The following CNTNAP3B variants were observed in gnomAD, a reference collection of about 807,000 sequenced individuals.
The protein encoded by CNTNAP3B is contactin associated protein family member 3B.
A neutral mutation model predicts 108.9 loss-of-function variants in CNTNAP3B; 25 were observed. The observed-to-expected ratio is 0.23, with a 90% CI of 0.17 to 0.32. The LOEUF is 0.32. CNTNAP3B is among the 10% of genes least tolerant of loss of function. The pLI, the probability that CNTNAP3B is intolerant of heterozygous loss-of-function variation, is 1.00. For synonymous variants in CNTNAP3B, 103 were observed against 473.4 expected (o/e 0.22, Z 10.16); for missense variants, 252 against 1,210.4 (o/e 0.21, Z 11.75).
At chr9:41,938,040 T>G (rs1824210556) in intron 14 of CNTNAP3B, 1 of 975,094 alleles carries the variant, frequency 1.0e-6, no homozygotes, top group African/African-American at 1.7e-5. Context: ...TATATAGTAT[T>G]CACAATGAAT....
At chr9:42,127,190 A>T (rs1380139207) in intron 1 of CNTNAP3B, among the ~76,000 whole-genome samples, 2 of 138,328 alleles carry the variant, frequency 1.4e-5, no homozygotes, top group Non-Finnish European at 3.1e-5. Context: ...TAGTATTGAA[A>T]TTTTACGTGT....
chr9:42,031,491 AG>A (rs1459374540), intron 3 of CNTNAP3B, among the ~76,000 whole-genome samples: 1 of 86,018 alleles, frequency 1.2e-5, no homozygotes, highest in Non-Finnish European at 2.2e-5. Flanking sequence ...AATTTGAGAC[AG>A]AGGGTTTGAT....
intron 14 of CNTNAP3B, among the ~76,000 whole-genome samples, chr9:41,932,971 C>G: frequency 6.6e-6 from 1 of 152,430 alleles, no homozygotes; most frequent in African/African-American, 2.4e-5. Context: ...TACAGCAATA[C>G]AGTATGTCTT....
intron 14 of CNTNAP3B, among the ~76,000 whole-genome samples, chr9:41,932,927 C>T (rs772616189): frequency 5.2e-3 from 795 of 151,946 alleles, no homozygotes; most frequent in Non-Finnish European, 8.9e-3. Context: ...GTTTAATTGC[C>T]TATCTTCTGG....
intron 14 of CNTNAP3B, among the ~76,000 whole-genome samples, chr9:41,933,490 A>G: frequency 6.6e-6 from 1 of 152,372 alleles, no homozygotes; most frequent in Admixed American, 6.5e-5. Context: ...TTTTCCATAA[A>G]AGTACTGCAG....
rs2480611 is a variant in CNTNAP3B at position 41,970,743 on chromosome 9, C to G, written c.1478-498G>C. Among the ~76,000 whole-genome samples, 3 of 123,166 alleles carry G rather than the reference C, an allele frequency of 2.4e-5. 1 individual carries two copies. In the East Asian group the frequency reaches 7.7e-4, roughly 32 times the overall value. The allele number at this position is 123,166 out of a possible 152,430, so 80.8% of individuals were successfully genotyped here. On this transcript the variant is annotated intron_variant, in intron 9 of 23. Coordinates refer to ENST00000377561, the MANE Select transcript of CNTNAP3B (RefSeq NM_001201380.3). The stretch of plus-strand genomic sequence containing the variant: ...TATCTACCCTATAGCTGTTTTTGTG[C>G]GTTGCGATGTATGTATATTTGGGAG...
intron 14 of CNTNAP3B, among the ~76,000 whole-genome samples, chr9:41,933,375 A>G (rs930613600): frequency 3.0e-4 from 45 of 152,360 alleles, no homozygotes; most frequent in African/African-American, 9.6e-4. Context: ...ATCACCCCCG[A>G]TTGAGAACTA....
At chr9:41,934,090 A>G (rs1319525418) in intron 14 of CNTNAP3B, among the ~76,000 whole-genome samples, 2 of 42,304 alleles carry the variant, frequency 4.7e-5, no homozygotes, top group East Asian at 8.3e-4. Context: ...TTGCCTTTGC[A>G]TATTTGTTAC....
intron 14 of CNTNAP3B, among the ~76,000 whole-genome samples, chr9:41,937,117 A>ATTT: frequency 6.9e-6 from 1 of 145,746 alleles, no homozygotes; most frequent in Non-Finnish European, 1.5e-5. Flanking sequence ...TTATTAATTT[A>ATTT]TTATTATTAT....
rs1441090585 is a variant in CNTNAP3B, at chr9:42,083,036, G to A, written c.197-5974C>T. Among the ~76,000 whole-genome samples the A allele has an allele frequency of 2.9e-5, 4 of 139,150 alleles. 1 individual carries two copies. The East Asian group carries it at 8.7e-4, about 30-fold the overall frequency. 91.3% of individuals were successfully genotyped at this position (139,150 alleles called of 152,430 possible). ...GCTAATAATAGTTTTTAAAAAAGCT[G>A]GATTGGCTATATTAAACAAAGTAGA... On this transcript the variant is annotated intron_variant, in intron 2 of 23. Transcript: ENST00000377561.
intron 13 of CNTNAP3B, among the ~76,000 whole-genome samples, chr9:41,941,253 T>G (rs1025642165): frequency 6.7e-5 from 10 of 149,780 alleles, no homozygotes; most frequent in Admixed American, 2.7e-4. Context: ...ATAACAAAAG[T>G]TAGATGCTGG....
chr9:41,973,682 C>T (rs1587165756), intron 9 of CNTNAP3B, among the ~76,000 whole-genome samples: 1 of 138,390 alleles, frequency 7.2e-6, no homozygotes, highest in East Asian at 2.2e-4. Context: ...CTATTTCAGG[C>T]ATGAATGCAA....
At chr9:42,110,582 C>T (rs1167779051) in intron 1 of CNTNAP3B, among the ~76,000 whole-genome samples, 1 of 136,592 alleles carries the variant, frequency 7.3e-6, no homozygotes, top group Non-Finnish European at 1.6e-5. Flanking sequence ...CAGACTGTCT[C>T]GATTAGGTCA....
chr9:41,967,809 A>G (rs1238468294), intron 10 of CNTNAP3B, among the ~76,000 whole-genome samples: 3 of 152,284 alleles, frequency 2.0e-5, no homozygotes, highest in African/African-American at 7.2e-5. Context: ...AATAGTAAAT[A>G]GCCTTTATTT....
chr9:41,940,633 G>T (rs1479508376), intron 13 of CNTNAP3B, among the ~76,000 whole-genome samples: 6 of 152,232 alleles, frequency 3.9e-5, no homozygotes, highest in African/African-American at 9.7e-5. Flanking sequence ...TGGCTAACAC[G>T]GTGAAACCCC....
intron 2 of CNTNAP3B, among the ~76,000 whole-genome samples, chr9:42,088,889 A>T (rs538335564): frequency 7.1e-6 from 1 of 140,026 alleles, no homozygotes; most frequent in Non-Finnish European, 1.5e-5. Flanking sequence ...TGACCTATAA[A>T]CTAAGGAGGG....
At chr9:42,113,586 A>G (rs1482557855) in intron 1 of CNTNAP3B, among the ~76,000 whole-genome samples, 2 of 140,052 alleles carry the variant, frequency 1.4e-5, no homozygotes, top group Admixed American at 7.1e-5. Flanking sequence ...TCATGTGGCG[A>G]TGTCATCACT....
chr9:42,084,582 CA>C (rs2060020056), intron 2 of CNTNAP3B, among the ~76,000 whole-genome samples: 2 of 38,240 alleles, frequency 5.2e-5, no homozygotes, highest in Middle Eastern at 9.1e-3. Context: ...CTCAGTCAAC[CA>C]AAATCCCCTA....
intron 3 of CNTNAP3B, among the ~76,000 whole-genome samples, chr9:42,026,864 G>A (rs1056189973): frequency 1.5e-5 from 2 of 132,334 alleles, no homozygotes; most frequent in Non-Finnish European, 3.2e-5. Context: ...CTGAGCCAAA[G>A]TAGATAATGG....
Sources: gnomAD v4.1 joint callset for allele counts (sites outside exome capture counted in the v4.1 genomes callset) on GRCh38, gnomAD v4.1.1 for gene constraint, MANE v1.5 for transcripts, NCBI Gene and HGNC (gene_info 2026-07-23, HGNC 2026-07-21) for gene names.